GTF2A1: variants seen among roughly 807,000 people sequenced by gnomAD.
The protein encoded by GTF2A1 is general transcription factor IIA subunit 1, also known as transcription initiation factor IIA subunit 1.
Under a neutral mutation model 54.1 loss-of-function variants are expected in GTF2A1, and 12 were observed. The observed-to-expected ratio is 0.22, with a 90% CI of 0.14 to 0.36. The LOEUF (loss-of-function observed/expected upper bound fraction) is 0.36, where lower values mean the gene tolerates loss of function less well. Among genes scored for constraint, GTF2A1 ranks in the 10% least tolerant of loss-of-function variants. The probability of loss-of-function intolerance (pLI) is 1.00; values close to 1 mark genes in which losing one functional copy is unlikely to be tolerated. For missense variants in GTF2A1, 335 were observed against 442.2 expected (o/e 0.76, Z 2.17); for synonymous variants, 145 against 152.0 (o/e 0.95, Z 0.34).
upstream of GTF2A1, chr14:81,221,384 G>C (rs1272960198): frequency 6.6e-6 from 1 of 152,302 alleles, no homozygotes; most frequent in Non-Finnish European, 1.5e-5. Context: ...GGCCGCGGAG[G>C]AGGACTGGTC....
chr14:81,189,824 A>C (rs1318793424), intron 7 of GTF2A1, among the ~76,000 whole-genome samples: 1 of 152,180 alleles, frequency 6.6e-6, no homozygotes, highest in Non-Finnish European at 1.5e-5. Flanking sequence ...AAACTGACCA[A>C]ATCAAGCAAG....
chr14:81,220,848 T>C lies in GTF2A1; in HGVS notation c.-330A>G, dbSNP rs1389065419. 4.3e-5 allele frequency: 12 copies of C among 278,594 alleles called. No homozygotes were observed. Among genetic ancestry groups the C allele is most frequent in the Non-Finnish European group, 8.0e-5 (12 of 150,188 alleles). The allele number at this position is 278,594 out of a possible 1,614,324, so 17.3% of individuals were successfully genotyped here. ...CGGTCACCGCTCCCTGCGCCGCCGC[T>C]GCCGCCACCGGCTGCAGCTCCAGCC... is the stretch of plus-strand genomic sequence containing the variant. On this transcript the variant is annotated 5_prime_UTR_variant, in exon 1 of 9. Coordinates refer to ENST00000553612, the MANE Select transcript of GTF2A1 (RefSeq NM_015859.4).
chr14:81,220,637 A>G lies in GTF2A1; in HGVS notation c.-119T>C. ...CCCAAATCACCGCAAGATTGGGGAA[A>G]AAATTTTAAACAAAATCAATCCTGA... On this transcript the variant is annotated 5_prime_UTR_variant, in exon 1 of 9. Transcript: ENST00000553612. 1 of 723,572 alleles carries G rather than the reference A, an allele frequency of 1.4e-6. No homozygotes were observed. Among genetic ancestry groups the G allele is most frequent in the South Asian group, 2.0e-5 (1 of 49,320 alleles). 44.8% of individuals were successfully genotyped at this position (723,572 alleles called of 1,614,324 possible).
chr14:81,220,449 C>T, intron 1 of GTF2A1, 40 bp downstream of exon 1: 1 of 1,499,976 alleles, frequency 6.7e-7, no homozygotes, highest in Non-Finnish European at 9.0e-7. Flanking sequence ...TTGCTGCAGC[C>T]TGAACGAAGC....
At chr14:81,202,884 T>A in intron 3 of GTF2A1, 1 of 445,236 alleles carries the variant, frequency 2.2e-6, no homozygotes, top group Non-Finnish European at 4.4e-6. Context: ...ACATTAAAAT[T>A]AGGTATGAAA....
chr14:81,183,564 T>G (rs568490641), intron 8 of GTF2A1, among the ~76,000 whole-genome samples: 1 of 152,314 alleles, frequency 6.6e-6, no homozygotes, highest in South Asian at 2.1e-4. Flanking sequence ...AAGTCACAAC[T>G]TAAAAAGCAA....
At chr14:81,194,789 T>C (rs985834128) in intron 6 of GTF2A1, among the ~76,000 whole-genome samples, 3 of 152,144 alleles carry the variant, frequency 2.0e-5, no homozygotes, top group Admixed American at 6.5e-5. Context: ...TTATAAACCA[T>C]GTTGAGTTGT....
rs1413931273 is a variant in GTF2A1, at chr14:81,176,170, T to C, written c.*4053A>G. ...TTTTAAATAACATCTTTAATTAAAG[T>C]TTTTGCAAAGTAGAATATTAAACTT... is the stretch of plus-strand genomic sequence containing the variant. On this transcript the variant is annotated 3_prime_UTR_variant, in exon 9 of 9. Coordinates refer to ENST00000553612, the MANE Select transcript of GTF2A1 (RefSeq NM_015859.4). 2.0e-5 allele frequency: 3 copies of C among 152,024 alleles called. No individual in the cohort carries two copies. Among genetic ancestry groups the C allele is most frequent in the Admixed American group, 2.0e-4 (3 of 15,248 alleles). 9.4% of individuals were successfully genotyped at this position (152,024 alleles called of 1,614,324 possible).
intron 2 of GTF2A1, among the ~76,000 whole-genome samples, chr14:81,211,119 G>A (rs1207184829): frequency 1.3e-5 from 2 of 152,300 alleles, no homozygotes; most frequent in East Asian, 3.9e-4. Flanking sequence ...CAAGAAAGAA[G>A]TTAGGTAGCT....
At chr14:81,210,563 G>T (rs1893341548) in intron 2 of GTF2A1, among the ~76,000 whole-genome samples, 1 of 151,724 alleles carries the variant, frequency 6.6e-6, no homozygotes, top group African/African-American at 2.4e-5. Context: ...TTTTGTTTTT[G>T]TTTTTTTTGG....
At chr14:81,181,413 C>T (rs1329652433) in intron 8 of GTF2A1, among the ~76,000 whole-genome samples, 1 of 151,852 alleles carries the variant, frequency 6.6e-6, no homozygotes, top group Admixed American at 6.6e-5. Flanking sequence ...GGATAGGGTT[C>T]AATGGTTTGA....
At chr14:81,188,731 C>T (rs766409035) in intron 7 of GTF2A1, among the ~76,000 whole-genome samples, 11 of 151,448 alleles carry the variant, frequency 7.3e-5, no homozygotes, top group Non-Finnish European at 1.5e-4. Context: ...GAGCCGACAT[C>T]GCGCCACTGC....
chr14:81,186,140 C>A (rs929370292), intron 7 of GTF2A1, among the ~76,000 whole-genome samples: 1 of 152,256 alleles, frequency 6.6e-6, no homozygotes, highest in African/African-American at 2.4e-5. Context: ...GCGTGAGCCA[C>A]CACACCCGGC....
rs1366189298 is a variant in GTF2A1 at position 81,176,644 on chromosome 14, A to G, written c.*3579T>C. 1 of 152,172 alleles carries G rather than the reference A, an allele frequency of 6.6e-6. No individual in the cohort carries two copies. Among genetic ancestry groups the G allele is most frequent in the African/African-American group, 2.4e-5 (1 of 41,466 alleles). 9.4% of individuals were successfully genotyped at this position (152,172 alleles called of 1,614,324 possible). A position where few individuals can be genotyped will look rare whatever the true frequency, so the allele number is the denominator to read the frequency against. On this transcript the variant is annotated 3_prime_UTR_variant, in exon 9 of 9. Coordinates refer to ENST00000553612, the MANE Select transcript of GTF2A1 (RefSeq NM_015859.4). ...TAAACTTCGTAATAATTTTCATAGC[A>G]TAATAGAGGACTAAAATGCAAAGCT...
chr14:81,194,243 G>A (rs576739781), intron 6 of GTF2A1, among the ~76,000 whole-genome samples: 2 of 152,312 alleles, frequency 1.3e-5, no homozygotes, highest in South Asian at 4.1e-4. Context: ...GATGGAGGTT[G>A]TGCACTCCTT....
chr14:81,192,180 CATCT>C (rs1892889162), intron 7 of GTF2A1, among the ~76,000 whole-genome samples: 1 of 152,124 alleles, frequency 6.6e-6, no homozygotes, highest in Non-Finnish European at 1.5e-5. Flanking sequence ...AGATTAACCA[CATCT>C]ATTTATCTAC....
At chr14:81,207,147 C>CTACT (rs1202480994) in intron 2 of GTF2A1, among the ~76,000 whole-genome samples, 1 of 40,012 alleles carries the variant, frequency 2.5e-5, no homozygotes, top group African/African-American at 6.2e-5. Context: ...ACGTACCTAC[C>CTACT]TACCTACCTA....
At chr14:81,196,582 T>C (rs1484773893) in intron 5 of GTF2A1, among the ~76,000 whole-genome samples, 2 of 152,228 alleles carry the variant, frequency 1.3e-5, no homozygotes, top group African/African-American at 4.8e-5. Context: ...GATCAGACAC[T>C]TCGGGAGCTG....
At chr14:81,211,511 A>G (rs1003248819) in intron 2 of GTF2A1, among the ~76,000 whole-genome samples, 1 of 152,186 alleles carries the variant, frequency 6.6e-6, no homozygotes, top group Non-Finnish European at 1.5e-5. Context: ...TTTCTCACCT[A>G]TAAAATGTGA....
Sources: gnomAD v4.1 joint callset for allele counts (sites outside exome capture counted in the v4.1 genomes callset) on GRCh38, gnomAD v4.1.1 for gene constraint, MANE v1.5 for transcripts, NCBI Gene and HGNC (gene_info 2026-07-23, HGNC 2026-07-21) for gene names.